The following COL26A1 variants were observed in gnomAD, a reference collection of about 807,000 sequenced individuals.
The protein encoded by COL26A1 is collagen type XXVI alpha 1 chain, also known as collagen alpha-1(XXVI) chain.
A neutral mutation model predicts 59.3 loss-of-function variants in COL26A1; 41 were observed. That is an observed-to-expected ratio of 0.69 (90% CI 0.54 to 0.90). The LOEUF (loss-of-function observed/expected upper bound fraction) is 0.90, where lower values mean the gene tolerates loss of function less well. COL26A1 is among the 40% of genes least tolerant of loss of function. The pLI is 0.00. For missense variants in COL26A1, 612 were observed against 602.3 expected, an observed-to-expected ratio of 1.02 and a Z score of -0.17; for synonymous variants, 266 against 256.0, an observed-to-expected ratio of 1.04 and a Z score of -0.37.
intron 4 of COL26A1, among the ~76,000 whole-genome samples, chr7:101,537,405 A>G (rs1445212957): frequency 1.3e-5 from 2 of 152,242 alleles, no homozygotes; most frequent in African/African-American, 2.4e-5. Context: ...CTAGTCTGCC[A>G]GGCCACAATG....
chr7:101,551,390 G>A (rs1038129635), intron 10 of COL26A1, among the ~76,000 whole-genome samples: 1 of 152,204 alleles, frequency 6.6e-6, no homozygotes, highest in Non-Finnish European at 1.5e-5. Flanking sequence ...AATGCACTGT[G>A]TGACCCTGGC....
chr7:101,489,834 CTTTCTTTCTTTCTTTCTTTCTTTCTT>C lies in COL26A1; in HGVS notation c.385+42049_385+42074del, dbSNP rs1794399064. ...TCTTTCTTTCTTTCTTTCTTTCTTT[CTTTCTTTCTTTCTTTCTTTCTTTCTT>C]TCTTTCTTTCTTTCTTTCTTTCTTT... On this transcript the variant is annotated intron_variant, in intron 3 of 12. Coordinates refer to ENST00000313669, the MANE Select transcript of COL26A1 (RefSeq NM_001278563.3). 2.2e-4 allele frequency among the ~76,000 whole-genome samples: 3 copies of C among 13,934 alleles called. 1 individual carries two copies. The highest frequency in any genetic ancestry group is 1.8e-3 in the African/African-American group (3 of 1,670). The allele number at this position is 13,934 out of a possible 152,430, so 9.1% of individuals were successfully genotyped here. A position where few individuals can be genotyped will look rare whatever the true frequency, so the allele number is the denominator to read the frequency against.
chr7:101,376,033 T>G (rs555984913), intron 1 of COL26A1, among the ~76,000 whole-genome samples: 1 of 143,556 alleles, frequency 7.0e-6, no homozygotes, highest in African/African-American at 2.6e-5. Flanking sequence ...CGGTGATGTG[T>G]GATTGTAGTC....
intron 1 of COL26A1, among the ~76,000 whole-genome samples, chr7:101,409,232 C>T (rs183705372): frequency 1.3e-5 from 2 of 152,234 alleles, no homozygotes; most frequent in African/African-American, 2.4e-5. Flanking sequence ...GGGATAGTTC[C>T]TCCTCCTTGC....
chr7:101,365,228 T>C (rs1584341432), intron 1 of COL26A1, among the ~76,000 whole-genome samples: 1 of 152,298 alleles, frequency 6.6e-6, no homozygotes, highest in Non-Finnish European at 1.5e-5. Context: ...AAACAAGCTT[T>C]TCAAGTTACA....
chr7:101,542,552 T>TAG (rs1356235410), intron 5 of COL26A1, among the ~76,000 whole-genome samples: 1 of 152,146 alleles, frequency 6.6e-6, no homozygotes, highest in African/African-American at 2.4e-5. Flanking sequence ...TCTCTGCCCT[T>TAG]AGAGCCCTTT....
At position 101,394,585 on chromosome 7, in the gene COL26A1, C is replaced by CTTTTTTTT. The variant is rs59966789; in HGVS notation, c.159-25381_159-25374dup. On this transcript the variant is annotated intron_variant, in intron 1 of 12. Coordinates refer to ENST00000313669, the MANE Select transcript of COL26A1 (RefSeq NM_001278563.3). ...CCACGCCTAGCTATTTTTTTCTTTT[C>CTTTTTTTT]TTTTTTTTTTTTTTTTTTGTAGAGA... Among the ~76,000 whole-genome samples the CTTTTTTTT allele has an allele frequency of 1.5e-4, 18 of 122,788 alleles. 1 individual carries two copies. Among genetic ancestry groups the CTTTTTTTT allele is most frequent in the African/African-American group, 2.5e-4 (8 of 32,450 alleles). 80.6% of individuals were successfully genotyped at this position (122,788 alleles called of 152,430 possible).
chr7:101,464,471 G>A (rs1433067697), intron 3 of COL26A1, among the ~76,000 whole-genome samples: 1 of 151,168 alleles, frequency 6.6e-6, no homozygotes, highest in Non-Finnish European at 1.5e-5. Flanking sequence ...GAGGTGCAAT[G>A]GCGCGATCTC....
At chr7:101,364,130 C>G (rs1298842311) in intron 1 of COL26A1, among the ~76,000 whole-genome samples, 1 of 152,152 alleles carries the variant, frequency 6.6e-6, no homozygotes, top group Non-Finnish European at 1.5e-5. Flanking sequence ...ATGGCCACCC[C>G]CGGGACGCTC....
intron 1 of COL26A1, among the ~76,000 whole-genome samples, chr7:101,400,611 C>A (rs57757404): frequency 6.6e-6 from 1 of 151,498 alleles, no homozygotes. Context: ...CAGGCTGGAG[C>A]GCAATGGTGC....
chr7:101,544,842 T>G (rs545377477), intron 6 of COL26A1, among the ~76,000 whole-genome samples: 1 of 152,098 alleles, frequency 6.6e-6, no homozygotes, highest in African/African-American at 2.4e-5. Flanking sequence ...CAAAACAGGG[T>G]CTTCAGGGGC....
At chr7:101,407,006 T>C (rs1003755705) in intron 1 of COL26A1, among the ~76,000 whole-genome samples, 1 of 152,098 alleles carries the variant, frequency 6.6e-6, no homozygotes, top group Non-Finnish European at 1.5e-5. Flanking sequence ...CCTCCTCTTT[T>C]CCAATAGGGT....
In COL26A1 at chr7:101,435,730, G is replaced by T. The variant is rs150999841; in HGVS notation, c.282-11954G>T. On this transcript the variant is annotated intron_variant, in intron 2 of 12. Transcript: ENST00000313669. ...AGGACAAGTCCCAGGGACTCGGGGG[G>T]TTAAGTTTTCTTCGGCCGGGCTTCC... Among the ~76,000 whole-genome samples the T allele has an allele frequency of 2.7e-3, 416 of 152,338 alleles. 2 individuals carry two copies. The highest frequency in any genetic ancestry group is 9.3e-3 in the African/African-American group (386 of 41,580).
chr7:101,526,951 C>T lies in COL26A1; in HGVS notation c.386-6131C>T, dbSNP rs138407627. ...ATAGTTCTCTTTACAATGAACACACCGCACAATCAACTCTCTCTCTCTTTT... is the reference window on the plus strand; with the variant it reads ...ATAGTTCTCTTTACAATGAACACACTGCACAATCAACTCTCTCTCTCTTTT... On this transcript the variant is annotated intron_variant, in intron 3 of 12. Coordinates refer to ENST00000313669, the MANE Select transcript of COL26A1 (RefSeq NM_001278563.3). Among the ~76,000 whole-genome samples, 20 of 152,194 alleles carry T rather than the reference C, an allele frequency of 1.3e-4. No homozygotes were observed. In the East Asian group the frequency reaches 3.1e-3, roughly 24 times the overall value.
Position 101,557,728 on chromosome 7 carries a change from C to A in COL26A1, c.*198C>A. 1.8e-6 allele frequency: 1 copy of A among 545,640 alleles called. No individual in the cohort carries two copies. Among genetic ancestry groups the A allele is most frequent in the Non-Finnish European group, 3.2e-6 (1 of 316,530 alleles). 33.8% of individuals were successfully genotyped at this position (545,640 alleles called of 1,614,324 possible). ...GGCCAACACCCTCATCAGAGCCCTC[C>A]TCTGGCCTGTCCCCTCCCCTACCCC... is the stretch of plus-strand genomic sequence containing the variant. On this transcript the variant is annotated 3_prime_UTR_variant, in exon 13 of 13. Coordinates refer to ENST00000313669, the MANE Select transcript of COL26A1 (RefSeq NM_001278563.3).
chr7:101,539,948 C>G lies in COL26A1; in HGVS notation c.503C>G (p.Ala168Gly), dbSNP rs369364699. The G allele has an allele frequency of 1.2e-6, 2 of 1,613,476 alleles. No homozygotes were observed. The highest frequency in any genetic ancestry group is 1.3e-5 in the African/African-American group (1 of 74,926). Residue 168 changes from alanine to glycine, a missense_variant, in exon 5 of 13, where the codon GCC (alanine) becomes GGC (glycine). Coordinates refer to ENST00000313669, the MANE Select transcript of COL26A1 (RefSeq NM_001278563.3). ...RPSSPDNDLPAPESTPPTWNE... is the reference protein window; with the variant it reads ...RPSSPDNDLPGPESTPPTWNE... The stretch of plus-strand genomic sequence containing the variant: ...TCCAGCCCGGACAACGACCTGCCAG[C>G]CCCCGAGAGCACTCCGCCGACCTGG...
intron 2 of COL26A1, among the ~76,000 whole-genome samples, chr7:101,437,547 T>C (rs531151743): frequency 9.1e-4 from 138 of 151,946 alleles, no homozygotes; most frequent in African/African-American, 3.2e-3. Flanking sequence ...GTCCACAAGG[T>C]TAGGCTTAGG....
chr7:101,389,858 T>C (rs2130142252), intron 1 of COL26A1, among the ~76,000 whole-genome samples: 1 of 152,172 alleles, frequency 6.6e-6, no homozygotes, highest in Middle Eastern at 3.4e-3. Context: ...TGGCAATTTT[T>C]TGTATTTTAG....
intron 1 of COL26A1, among the ~76,000 whole-genome samples, chr7:101,392,357 C>T (rs1791753835): frequency 6.6e-6 from 1 of 150,670 alleles, no homozygotes; most frequent in African/African-American, 2.4e-5. Flanking sequence ...TGAGCAGGTG[C>T]CTTCCGTACC....
Sources: gnomAD v4.1 joint callset for allele counts (sites outside exome capture counted in the v4.1 genomes callset) on GRCh38, gnomAD v4.1.1 for gene constraint, MANE v1.5 for transcripts, NCBI Gene and HGNC (gene_info 2026-07-23, HGNC 2026-07-21) for gene names.